Variants in ZDHHC14 observed in about 807,000 individuals in gnomAD.
ZDHHC14 encodes palmitoyltransferase ZDHHC14.
Under a neutral mutation model 47.7 loss-of-function variants are expected in ZDHHC14, and 16 were observed. That is an observed-to-expected ratio of 0.34 (90% CI 0.23 to 0.51). The LOEUF is 0.51. Among genes scored for constraint, ZDHHC14 ranks in the 20% least tolerant of loss-of-function variants. The pLI, the probability that ZDHHC14 is intolerant of heterozygous loss-of-function variation, is 0.97. For missense variants in ZDHHC14, 515 were observed against 662.5 expected (o/e 0.78, Z 2.44); for synonymous variants, 293 against 278.9 (o/e 1.05, Z -0.50).
intron 1 of ZDHHC14, among the ~76,000 whole-genome samples, chr6:157,475,633 A>G (rs1035029829): frequency 6.6e-6 from 1 of 152,108 alleles, no homozygotes; most frequent in African/African-American, 2.4e-5. Context: ...CTTGTGAATG[A>G]GATAGTTTTC....
intron 1 of ZDHHC14, among the ~76,000 whole-genome samples, chr6:157,527,808 G>A (rs138364836): frequency 0.012 from 1,799 of 152,228 alleles, 37 homozygotes; most frequent in African/African-American, 0.042. Context: ...AGTTCTTTAG[G>A]GCTCCAGTTA....
chr6:157,617,953 C>T (rs575405467), intron 3 of ZDHHC14, among the ~76,000 whole-genome samples: 277 of 152,288 alleles, frequency 1.8e-3, no homozygotes, highest in Non-Finnish European at 4.3e-4. Flanking sequence ...ATTACAAATG[C>T]GTCAGCCATT....
intron 1 of ZDHHC14, among the ~76,000 whole-genome samples, chr6:157,416,946 C>G (rs1036128299): frequency 7.3e-6 from 1 of 136,838 alleles, no homozygotes; most frequent in Admixed American, 7.7e-5. Context: ...GTTGGGATTA[C>G]AGGTGCCCGC....
intron 1 of ZDHHC14, among the ~76,000 whole-genome samples, chr6:157,393,906 G>A (rs1467818205): frequency 1.3e-5 from 2 of 152,110 alleles, no homozygotes; most frequent in Middle Eastern, 3.4e-3. Context: ...GGTTGCTCTG[G>A]CCTTTGCAAA....
At chr6:157,500,273 C>A (rs766692703) in intron 1 of ZDHHC14, among the ~76,000 whole-genome samples, 1 of 152,108 alleles carries the variant, frequency 6.6e-6, no homozygotes, top group Non-Finnish European at 1.5e-5. Context: ...AGAAGATCAA[C>A]GTCACTGGAG....
chr6:157,518,409 G>A (rs1291658423), intron 1 of ZDHHC14, among the ~76,000 whole-genome samples: 2 of 145,312 alleles, frequency 1.4e-5, no homozygotes, highest in African/African-American at 2.5e-5. Flanking sequence ...GAGGGTGGAA[G>A]GGGGGCTCTT....
intron 5 of ZDHHC14, among the ~76,000 whole-genome samples, chr6:157,638,772 G>A (rs910879438): frequency 1.3e-5 from 2 of 152,336 alleles, no homozygotes; most frequent in African/African-American, 4.8e-5. Flanking sequence ...TAAGGGTTGG[G>A]TGCCATGAAA....
At chr6:157,404,413 G>A (rs1057116444) in intron 1 of ZDHHC14, among the ~76,000 whole-genome samples, 1 of 152,136 alleles carries the variant, frequency 6.6e-6, no homozygotes, top group Non-Finnish European at 1.5e-5. Context: ...GGGATTACAG[G>A]TGTGAGCCAC....
At chr6:157,597,898 T>C (rs1412887102) in intron 3 of ZDHHC14, among the ~76,000 whole-genome samples, 1 of 152,254 alleles carries the variant, frequency 6.6e-6, no homozygotes, top group Admixed American at 6.5e-5. Flanking sequence ...AGGGACTCAG[T>C]GTCCAGTCGC....
At position 157,678,114 on chromosome 6, in the gene ZDHHC14, A is replaced by AT. The variant is rs1779001095; in HGVS notation, c.*4997dup. ...TCTTAAACCTGAGATGAATTAAAAA[A>AT]TTTTTCTCCTTCAATAAAAACTGCT... On this transcript the variant is annotated 3_prime_UTR_variant, in exon 9 of 9. Transcript: ENST00000359775. 6.6e-6 allele frequency: 1 copy of AT among 152,222 alleles called. No homozygotes were observed. Among genetic ancestry groups the AT allele is most frequent in the Non-Finnish European group, 1.5e-5 (1 of 68,040 alleles). The allele number at this position is 152,222 out of a possible 1,614,324, so 9.4% of individuals were successfully genotyped here.
chr6:157,601,061 A>G (rs1028367482), intron 3 of ZDHHC14, among the ~76,000 whole-genome samples: 1 of 152,200 alleles, frequency 6.6e-6, no homozygotes, highest in African/African-American at 2.4e-5. Context: ...GCAGATGGAG[A>G]GGCTGCCCTG....
At chr6:157,521,721 G>C (rs1458553243) in intron 1 of ZDHHC14, among the ~76,000 whole-genome samples, 1 of 152,220 alleles carries the variant, frequency 6.6e-6, no homozygotes, top group African/African-American at 2.4e-5. Flanking sequence ...GACCATAGCA[G>C]CTTCTTTGGT....
intron 1 of ZDHHC14, among the ~76,000 whole-genome samples, chr6:157,400,852 C>T (rs777008141): frequency 6.6e-6 from 1 of 152,190 alleles, no homozygotes; most frequent in East Asian, 1.9e-4. Context: ...CAGTGAGTGC[C>T]GGGCTCCCTG....
At chr6:157,440,621 C>T (rs537225269) in intron 1 of ZDHHC14, among the ~76,000 whole-genome samples, 28 of 152,268 alleles carry the variant, frequency 1.8e-4, no homozygotes, top group Middle Eastern at 6.8e-3. Flanking sequence ...TTCACAGCAG[C>T]GTTCTTTACA....
chr6:157,552,813 A>T (rs1782291545), intron 2 of ZDHHC14, among the ~76,000 whole-genome samples: 1 of 152,128 alleles, frequency 6.6e-6, no homozygotes, highest in Non-Finnish European at 1.5e-5. Context: ...CTGCCTTATA[A>T]TACACATCTG....
rs184244136 is a variant in ZDHHC14 at position 157,486,147 on chromosome 6, G to C, written c.246-56438G>C. Among the ~76,000 whole-genome samples the C allele has an allele frequency of 2.4e-3, 362 of 152,294 alleles. 9 individuals carry two copies. In the South Asian group the frequency reaches 0.047, roughly 20 times the overall value. ...TGCTATTAGTTCAGTGAGTTGCCCT[G>C]GGCCTCTGTATGACAGTCTCTAGGT... On this transcript the variant is annotated intron_variant, in intron 1 of 8. Transcript: ENST00000359775.
chr6:157,445,599 T>G (rs1778649513), intron 1 of ZDHHC14, among the ~76,000 whole-genome samples: 1 of 152,194 alleles, frequency 6.6e-6, no homozygotes, highest in African/African-American at 2.4e-5. Context: ...GGAGAGTTCT[T>G]TTAAGCCTAA....
At chr6:157,461,052 C>A (rs1779070545) in intron 1 of ZDHHC14, among the ~76,000 whole-genome samples, 1 of 152,236 alleles carries the variant, frequency 6.6e-6, no homozygotes, top group African/African-American at 2.4e-5. Flanking sequence ...AAAGTAAGGC[C>A]TGGTTAAAAT....
chr6:157,559,944 A>G (rs375607906), intron 2 of ZDHHC14, among the ~76,000 whole-genome samples: 1 of 152,368 alleles, frequency 6.6e-6, no homozygotes, highest in Admixed American at 6.5e-5. Context: ...TTACTTGAAA[A>G]TAAACATGAA....
Sources: allele counts gnomAD v4.1 joint callset (sites outside exome capture counted in the v4.1 genomes callset), GRCh38; gene constraint gnomAD v4.1.1; transcripts MANE v1.5; gene names NCBI Gene and HGNC (gene_info 2026-07-23, HGNC 2026-07-21).